The following PAPLN variants were observed in gnomAD, a reference collection of about 807,000 sequenced individuals.
PAPLN encodes papilin.
PAPLN carries 146 observed loss-of-function variants against 159.0 expected under a neutral mutation model. That is an observed-to-expected ratio of 0.92 (90% confidence interval 0.80 to 1.05). The LOEUF is 1.05. PAPLN is among the 50% of genes least tolerant of loss of function. The pLI, the probability that PAPLN is intolerant of heterozygous loss-of-function variation, is 0.00. For synonymous variants in PAPLN, 734 were observed against 702.9 expected, an observed-to-expected ratio of 1.04 and a Z score of -0.70; for missense variants, 1,720 against 1,743.9, an observed-to-expected ratio of 0.99 and a Z score of 0.24.
At chr14:73,239,580 C>T in intron 1 of PAPLN, 193 bp from the exon 2 acceptor site, 1 of 1,086,330 alleles carries the variant, frequency 9.2e-7, no homozygotes, top group South Asian at 1.9e-5. Flanking sequence ...CTTTCTTGCT[C>T]ACATGTTGAG....
intron 5 of PAPLN, among the ~76,000 whole-genome samples, chr14:73,248,092 TGTGTGTGTGTGTGTGC>T (rs1566677523): frequency 3.9e-5 from 4 of 101,700 alleles, no homozygotes; most frequent in Admixed American, 1.3e-4. Context: ...TGTGTGTGTG[TGTGTGTGTGTGTGTGC>T]GCGTGTGTGT....
In PAPLN at chr14:73,245,937, G is replaced by A. The variant is rs1484513687; in HGVS notation, c.232-136G>A. 2 of 975,044 alleles carry A rather than the reference G, an allele frequency of 2.1e-6. No homozygotes were observed. The highest frequency in any genetic ancestry group is 2.7e-5 in the East Asian group (1 of 36,436). The allele number at this position is 975,044 out of a possible 1,614,324, so 60.4% of individuals were successfully genotyped here. A position where few individuals can be genotyped will look rare whatever the true frequency, so the allele number is the denominator to read the frequency against. ...ACGCACAGGAGTTCGGGGGTCCGGG[G>A]GGCGGACTCCACCTCCGGCGGCTCC... On this transcript the variant is annotated intron_variant, in intron 4 of 26. Transcript: ENST00000644200. This position sits in a 1 kb window ranked among gnomAD's most constrained non-coding sequence, Gnocchi z 4.2.
chr14:73,255,679 G>C (rs2242615), intron 14 of PAPLN, among the ~76,000 whole-genome samples: 32,004 of 151,968 alleles, frequency 0.21, 3,869 homozygotes, highest in East Asian at 0.51. Context: ...GGGGTGGGTG[G>C]GTAGCCTCCC....
intron 18 of PAPLN, 33 bp downstream of exon 18, chr14:73,261,327 G>A (rs532733263): frequency 6.2e-7 from 1 of 1,606,246 alleles, no homozygotes; most frequent in Non-Finnish European, 8.5e-7. Flanking sequence ...CCTTCTCGAT[G>A]GGTAGACTCT....
Position 73,245,253 on chromosome 14 carries a change from G to T in PAPLN, c.171-383G>T, listed in dbSNP as rs2242608. 32,749 of 230,016 alleles carry T rather than the reference G, an allele frequency of 0.14. 3,106 individuals carry two copies. The highest frequency in any genetic ancestry group is 0.43 in the East Asian group (3,837 of 9,002). The allele number at this position is 230,016 out of a possible 1,614,324, so 14.2% of individuals were successfully genotyped here. A position where few individuals can be genotyped will look rare whatever the true frequency, so the allele number is the denominator to read the frequency against. ...GGTTGTTCCTGAGAACCCTATGTGA[G>T]GAGGAATGAGAGACCAGGAATGATC... On this transcript the variant is annotated intron_variant, in intron 3 of 26. Coordinates refer to ENST00000644200, the MANE Select transcript of PAPLN (RefSeq NM_001365906.3). This position sits in a 1 kb window ranked among gnomAD's most constrained non-coding sequence, Gnocchi z 4.2.
rs1282865750 is a variant in PAPLN, at chr14:73,245,631, C to T, written c.171-5C>T. 1.3e-6 allele frequency: 2 copies of T among 1,557,418 alleles called. No individual in the cohort carries two copies. Among genetic ancestry groups the T allele is most frequent in the Admixed American group, 1.9e-5 (1 of 52,218 alleles). On this transcript the variant is annotated splice_polypyrimidine_tract_variant and splice_region_variant and intron_variant, in intron 3 of 26. Transcript: ENST00000644200. The surrounding 1 kb of genome is among the most constrained non-coding windows in gnomAD (Gnocchi z 4.2). Reference sequence around the variant, plus strand: ...TCAGGTCTTCCCGGTGCTCTGGTCCCGCAGGAGAGATGGAGGCTCCAGCTG... The same window carrying T: ...TCAGGTCTTCCCGGTGCTCTGGTCCTGCAGGAGAGATGGAGGCTCCAGCTG...
At chr14:73,255,393 T>C (rs1397782345) in intron 14 of PAPLN, among the ~76,000 whole-genome samples, 2 of 152,216 alleles carry the variant, frequency 1.3e-5, no homozygotes, top group Non-Finnish European at 2.9e-5. Context: ...TTCCTCTTTA[T>C]ACCCCCATAG....
Position 73,262,602 on chromosome 14 carries a change from C to G in PAPLN, c.2498C>G (p.Ala833Gly), listed in dbSNP as rs771639476. The G allele has an allele frequency of 2.6e-6, 4 of 1,553,176 alleles. No individual in the cohort carries two copies. The Admixed American group carries it at 7.7e-5, about 30-fold the overall frequency. ...ACGGATGGTGGCGGCAGCAGTCCTG[C>G]AGGCGAGCAGGAACCCAGCCAGCAC... ...THTDGGGSSP[A>G]GEQEPSQHRT... Residue 833 changes from alanine (A) to glycine (G), a missense_variant, in exon 19 of 27, where the codon GCA becomes GGA. Physicochemically the swap from Ala to Gly is moderately conservative, Grantham distance 60. Coordinates refer to ENST00000644200, the MANE Select transcript of PAPLN (RefSeq NM_001365906.3).
chr14:73,253,165 T>A, intron 11 of PAPLN: 1 of 1,368,810 alleles, frequency 7.3e-7, no homozygotes, highest in Non-Finnish European at 9.7e-7. Flanking sequence ...ACAAAGGACC[T>A]CTTACCTGCA....
intron 11 of PAPLN, chr14:73,253,085 C>A: frequency 7.3e-7 from 1 of 1,371,920 alleles, no homozygotes; most frequent in Non-Finnish European, 9.8e-7. Flanking sequence ...TTTGGCTTGG[C>A]AGATGCCAAG....
chr14:73,247,796 C>G lies in PAPLN; in HGVS notation c.334+1621C>G, dbSNP rs1450591112. On this transcript the variant is annotated intron_variant, in intron 5 of 26. Transcript: ENST00000644200. ...CGTGGCCCAGTGGGAGTCTCTTATC[C>G]CGTGTGTGTGTGTGTGTGTGTGTGT... Among the ~76,000 whole-genome samples the G allele has an allele frequency of 3.6e-4, 22 of 60,624 alleles. 1 individual carries two copies. The highest frequency in any genetic ancestry group is 2.4e-3 in the South Asian group (3 of 1,264). The allele number at this position is 60,624 out of a possible 152,430, so 39.8% of individuals were successfully genotyped here.
upstream of PAPLN, among the ~76,000 whole-genome samples, chr14:73,236,309 G>GC (rs1409477537): frequency 6.6e-6 from 1 of 152,178 alleles, no homozygotes; most frequent in Admixed American, 6.5e-5. Context: ...TGCAGGCCCT[G>GC]CCCCCCGGGA....
intron 20 of PAPLN, 105 bp downstream of exon 20, chr14:73,263,887 G>GGTGTGTGTGACAGCCCCCCT: frequency 2.3e-6 from 3 of 1,278,938 alleles, no homozygotes. Flanking sequence ...AGGTGTGACA[G>GGTGTGTGTGACAGCCCCCCT]ACCCCCTCCT....
At chr14:73,254,855 C>T (rs528343973) in intron 13 of PAPLN, 22 bp from the exon 14 acceptor site, 1 of 1,609,320 alleles carries the variant, frequency 6.2e-7, no homozygotes, top group Admixed American at 1.7e-5. Context: ...GCATCTCTCT[C>T]TCTCCCACTC....
intron 23 of PAPLN, 21 bp from the exon 24 acceptor site, chr14:73,266,480 C>G (rs78932134): frequency 0.065 from 105,027 of 1,612,468 alleles, 4,451 homozygotes; most frequent in Admixed American, 0.19. Context: ...CTGGAGCCAA[C>G]TGGCTGTACT....
chr14:73,252,198 C>T (rs1885362281), intron 10 of PAPLN, 57 bp downstream of exon 10: 6 of 1,510,154 alleles, frequency 4.0e-6, no homozygotes, highest in Middle Eastern at 4.0e-4. Flanking sequence ...GATCCCACGG[C>T]CACAGGTGGG....
intron 19 of PAPLN, 151 bp from the exon 20 acceptor site, chr14:73,263,494 C>G: frequency 1.0e-6 from 1 of 957,168 alleles, no homozygotes; most frequent in East Asian, 2.4e-5. Context: ...CCATGGGCTT[C>G]TGGGGCTCTG....
chr14:73,239,640 G>T, intron 1 of PAPLN, 133 bp from the exon 2 acceptor site: 1 of 1,426,220 alleles, frequency 7.0e-7, no homozygotes, highest in African/African-American at 1.5e-5. Flanking sequence ...GCACCGAGGC[G>T]CACCCGGCTG....
At chr14:73,262,305 A>C in intron 18 of PAPLN, 45 bp from the exon 19 acceptor site, 1 of 1,540,928 alleles carries the variant, frequency 6.5e-7, no homozygotes, top group Non-Finnish European at 8.8e-7. Flanking sequence ...GTGCAGCTTT[A>C]GTACTGGGCA....
Sources: allele counts gnomAD v4.1 joint callset (sites outside exome capture counted in the v4.1 genomes callset), GRCh38; gene constraint gnomAD v4.1.1; non-coding constraint Gnocchi (gnomAD v3.1); transcripts MANE v1.5; gene names NCBI Gene and HGNC (gene_info 2026-07-23, HGNC 2026-07-21).